The following CENPW variants were observed in gnomAD, a reference collection of about 807,000 sequenced individuals.
CENPW encodes the protein cancer-up-regulated gene 2 protein.
A neutral mutation model predicts 11.1 loss-of-function variants in CENPW; 3 were observed. The observed-to-expected ratio is 0.27, with a 90% CI of 0.12 to 0.70. The LOEUF (loss-of-function observed/expected upper bound fraction) is 0.70. Ranked by LOEUF, CENPW falls within the 30% of genes least tolerant of loss-of-function variation. The pLI is 0.77. For synonymous variants in CENPW, 38 were observed against 42.0 expected (o/e 0.91, Z 0.37); for missense variants, 100 against 105.6 (o/e 0.95, Z 0.23).
At chr6:126,441,752 A>G in the CENPW span, among the ~76,000 whole-genome samples, 1 of 151,552 alleles carries the variant, frequency 6.6e-6, no homozygotes, top group South Asian at 2.1e-4. Flanking sequence ...ATTGTCTCCA[A>G]TTCCATCCAC....
chr6:126,355,200 A>G, the CENPW span, among the ~76,000 whole-genome samples: 9 of 152,192 alleles, frequency 5.9e-5, no homozygotes, highest in Non-Finnish European at 1.3e-4. Context: ...TTTAATTATT[A>G]TCTTGTTAAT....
the CENPW span, among the ~76,000 whole-genome samples, chr6:126,403,658 A>G: frequency 6.6e-6 from 1 of 152,056 alleles, no homozygotes; most frequent in East Asian, 1.9e-4. Context: ...TAAAAGTACA[A>G]GATGAAACAG....
chr6:126,452,580 A>G, the CENPW span, among the ~76,000 whole-genome samples: 4 of 151,182 alleles, frequency 2.6e-5, no homozygotes, highest in East Asian at 7.8e-4. Context: ...GAATTATATA[A>G]GTAGAACAAC....
At chr6:126,351,580 T>C (rs1344423891), downstream of CENPW, among the ~76,000 whole-genome samples, 1 of 152,088 alleles carries the variant, frequency 6.6e-6, no homozygotes, top group East Asian at 1.9e-4. Flanking sequence ...TGCATTTTTT[T>C]CTGGATGTTG....
chr6:126,388,674 A>G, the CENPW span, among the ~76,000 whole-genome samples: 2 of 151,998 alleles, frequency 1.3e-5, no homozygotes, highest in Non-Finnish European at 2.9e-5. Flanking sequence ...GGAGGCCATT[A>G]TAGTCATTTG....
At chr6:126,366,740 T>G in the CENPW span, among the ~76,000 whole-genome samples, 1 of 152,166 alleles carries the variant, frequency 6.6e-6, no homozygotes, top group African/African-American at 2.4e-5. Context: ...TTAGTCTCTT[T>G]TGTGTGGCTA....
chr6:126,432,719 A>T, the CENPW span, among the ~76,000 whole-genome samples: 1 of 152,138 alleles, frequency 6.6e-6, no homozygotes, highest in African/African-American at 2.4e-5. Flanking sequence ...TCACTCAGAT[A>T]AACATCTGTC....
chr6:126,399,356 C>T, the CENPW span, among the ~76,000 whole-genome samples: 1 of 152,024 alleles, frequency 6.6e-6, no homozygotes, highest in African/African-American at 2.4e-5. Flanking sequence ...TGAGAAGCAG[C>T]AGTTGAAGGA....
At chr6:126,396,105 T>C in the CENPW span, among the ~76,000 whole-genome samples, 2 of 152,114 alleles carry the variant, frequency 1.3e-5, no homozygotes, top group African/African-American at 4.8e-5. Context: ...TAGTTAGATT[T>C]GTGTCCTTCC....
At chr6:126,341,475 A>G (rs1679452504) in intron 1 of CENPW, among the ~76,000 whole-genome samples, 1 of 152,278 alleles carries the variant, frequency 6.6e-6, no homozygotes, top group Non-Finnish European at 1.5e-5. Flanking sequence ...CTACTATAGA[A>G]TTATCGCCCC....
At chr6:126,349,888 T>C (rs1364647730), downstream of CENPW, among the ~76,000 whole-genome samples, 1 of 152,116 alleles carries the variant, frequency 6.6e-6, no homozygotes, top group Non-Finnish European at 1.5e-5. Context: ...TCTTGCTGTG[T>C]CACTTAATCT....
At chr6:126,401,569 AT>A in the CENPW span, among the ~76,000 whole-genome samples, 114 of 150,534 alleles carry the variant, frequency 7.6e-4, 1 homozygote, top group Non-Finnish European at 1.1e-3. Flanking sequence ...GAGCAGAGGA[AT>A]TTTTTTTTCA....
chr6:126,390,630 C>T, the CENPW span, among the ~76,000 whole-genome samples: 1 of 151,834 alleles, frequency 6.6e-6, no homozygotes, highest in Non-Finnish European at 1.5e-5. Context: ...CTTGCACCAC[C>T]CTTCCCAGCC....
chr6:126,412,847 C>A, the CENPW span, among the ~76,000 whole-genome samples: 1 of 151,980 alleles, frequency 6.6e-6, no homozygotes, highest in African/African-American at 2.4e-5. Context: ...CTGTTGAGCC[C>A]CTCTAGTCAG....
At chr6:126,418,482 G>A in the CENPW span, among the ~76,000 whole-genome samples, 1 of 152,132 alleles carries the variant, frequency 6.6e-6, no homozygotes, top group East Asian at 1.9e-4. Context: ...GTGGTTATCA[G>A]GATTTTGGGA....
At chr6:126,415,268 CTTTATTA>C in the CENPW span, among the ~76,000 whole-genome samples, 3 of 151,984 alleles carry the variant, frequency 2.0e-5, no homozygotes, top group African/African-American at 2.4e-5. Context: ...TATATTTCCA[CTTTATTA>C]TTTATTGTTT....
At chr6:126,342,644 A>C (rs1562379263) in intron 1 of CENPW, among the ~76,000 whole-genome samples, 3 of 152,080 alleles carry the variant, frequency 2.0e-5, no homozygotes, top group African/African-American at 7.2e-5. Context: ...ATGTTACTTC[A>C]GTGACGCTTT....
At chr6:126,480,866 C>A in the CENPW span, among the ~76,000 whole-genome samples, 1 of 151,990 alleles carries the variant, frequency 6.6e-6, no homozygotes, top group East Asian at 1.9e-4. Flanking sequence ...CCAGTAAGCA[C>A]ATTAACATTC....
the CENPW span, among the ~76,000 whole-genome samples, chr6:126,354,983 A>G: frequency 3.9e-5 from 6 of 152,172 alleles, no homozygotes; most frequent in Admixed American, 3.9e-4. Flanking sequence ...TAGAAATAAA[A>G]GTAAGTTTAA....
Sources: gnomAD v4.1 joint callset for allele counts (sites outside exome capture counted in the v4.1 genomes callset) on GRCh38, gnomAD v4.1.1 for gene constraint, MANE v1.5 for transcripts, NCBI Gene and HGNC (gene_info 2026-07-23, HGNC 2026-07-21) for gene names.